The following PVR variants were observed in gnomAD, a reference collection of about 807,000 sequenced individuals.
PVR encodes PVR cell adhesion molecule, also known as poliovirus receptor.
A neutral mutation model predicts 43.3 loss-of-function variants in PVR; 39 were observed. The ratio of observed to expected loss-of-function variants is 0.90; its 90% CI spans 0.70 to 1.18. PVR has a LOEUF of 1.18. Ranked by LOEUF, PVR falls within the 50% of genes most tolerant of loss-of-function variation. PVR has a pLI of 0.00. For synonymous variants in PVR, 224 were observed against 233.2 expected (o/e 0.96, Z 0.36); for missense variants, 480 against 549.7 (o/e 0.87, Z 1.27).
rs1029804350 is a variant in PVR at position 44,662,241 on chromosome 19, G to C, written c.*430G>C. The C allele has an allele frequency of 1.1e-5, 2 of 178,436 alleles. No homozygotes were observed. The highest frequency in any genetic ancestry group is 1.4e-4 in the South Asian group (1 of 7,272). 11.1% of individuals were successfully genotyped at this position (178,436 alleles called of 1,614,324 possible). On this transcript the variant is annotated 3_prime_UTR_variant, in exon 8 of 8. Coordinates refer to ENST00000425690, the MANE Select transcript of PVR (RefSeq NM_006505.5). Reference sequence around the variant, plus strand: ...TACTGCCAACCAGAGCAGCTCACTCGAGATCTTTGTGTCCAGAGTTTTTTG... The same window carrying C: ...TACTGCCAACCAGAGCAGCTCACTCCAGATCTTTGTGTCCAGAGTTTTTTG...
intron 6 of PVR, among the ~76,000 whole-genome samples, chr19:44,660,540 G>A (rs954015256): frequency 6.6e-6 from 1 of 151,914 alleles, no homozygotes; most frequent in Non-Finnish European, 1.5e-5. Context: ...TTTGTTTTGA[G>A]ACAAGATCTT....
intron 1 of PVR, among the ~76,000 whole-genome samples, chr19:44,646,229 C>T (rs1364943502): frequency 6.6e-6 from 1 of 152,130 alleles, no homozygotes; most frequent in Non-Finnish European, 1.5e-5. Context: ...CGGCCTGAAG[C>T]TCCACAGCAG....
At position 44,658,861 on chromosome 19, in the gene PVR, T is replaced by G; in HGVS notation, c.1111T>G (p.Ser371Ala). The change falls in exon 6 of 8, where the codon TCC becomes GCC. Residue 371 changes from serine (S) to alanine (A), a missense_variant. Ser to Ala is a moderately conservative substitution (Grantham distance 99). Coordinates refer to ENST00000425690, the MANE Select transcript of PVR (RefSeq NM_006505.5). ...IGIYFYWSKC[S>A]REVLWHCHLC... ...GATTTATTTCTATTGGTCCAAATGT[T>G]CCCGTGAGGTCCTTTGGCACTGTCA... The G allele has an allele frequency of 6.2e-7, 1 of 1,614,108 alleles. No individual in the cohort carries two copies.
At position 44,649,863 on chromosome 19, in the gene PVR, T is replaced by C. The variant is rs1162947228; in HGVS notation, c.482T>C (p.Val161Ala). 1 of 1,614,114 alleles carries C rather than the reference T, an allele frequency of 6.2e-7. No homozygotes were observed. Reference protein sequence around the residue: ...VQKVQLTGEPVPMARCVSTGG... With the variant: ...VQKVQLTGEPAPMARCVSTGG... ...AAGGTCCAGCTCACTGGAGAGCCAG[T>C]GCCCATGGCCCGCTGCGTCTCCACA... The change falls in exon 3 of 8, where the codon GTG becomes GCG. Residue 161 changes from valine (V) to alanine (A), a missense_variant. Val to Ala is a moderately conservative substitution (Grantham distance 64). Coordinates refer to ENST00000425690, the MANE Select transcript of PVR (RefSeq NM_006505.5).
At chr19:44,644,968 T>G (rs1973037569) in intron 1 of PVR, among the ~76,000 whole-genome samples, 1 of 129,192 alleles carries the variant, frequency 7.7e-6, no homozygotes. Flanking sequence ...TATTATATAT[T>G]ATTATTATAT....
intron 4 of PVR, among the ~76,000 whole-genome samples, chr19:44,657,468 C>T (rs1163824394): frequency 6.6e-6 from 1 of 152,188 alleles, no homozygotes; most frequent in African/African-American, 2.4e-5. Context: ...AGAAACGGAG[C>T]CCAGCGTGGA....
At chr19:44,657,515 C>A (rs1382410687) in intron 4 of PVR, among the ~76,000 whole-genome samples, 1 of 152,136 alleles carries the variant, frequency 6.6e-6, no homozygotes, top group African/African-American at 2.4e-5. Flanking sequence ...AGCGCCAGAG[C>A]AGGGAGGTAC....
At chr19:44,645,413 G>GTATATATA (rs1278079157) in intron 1 of PVR, among the ~76,000 whole-genome samples, 77 of 52,066 alleles carry the variant, frequency 1.5e-3, no homozygotes, top group African/African-American at 6.4e-3. Flanking sequence ...TATATGTTTT[G>GTATATATA]TGTATATATA....
rs954676420 is a variant in PVR at position 44,657,789 on chromosome 19, T to C, written c.870T>C (p.Ala290=). 6.2e-7 allele frequency: 1 copy of C among 1,614,144 alleles called. No homozygotes were observed. Among genetic ancestry groups the C allele is most frequent in the Admixed American group, 1.7e-5 (1 of 60,006 alleles). Residue 290 remains alanine (A), a synonymous_variant, in exon 5 of 8, where the codon GCT becomes GCC. Coordinates refer to ENST00000425690, the MANE Select transcript of PVR (RefSeq NM_006505.5). ...CCATGGGTCCCCTGCCACCCTTTGC[T>C]GTGGCCCAGGGCGCCCAGCTCCTGA... ...STTMGPLPPF[A]VAQGAQLLIR...
At chr19:44,652,914 C>T (rs751265636) in intron 3 of PVR, among the ~76,000 whole-genome samples, 2 of 152,110 alleles carry the variant, frequency 1.3e-5, no homozygotes, top group African/African-American at 2.4e-5. Flanking sequence ...AGATCTTTCC[C>T]ATTTATTTTG....
At chr19:44,645,655 C>T (rs550835657) in intron 1 of PVR, among the ~76,000 whole-genome samples, 140 of 150,934 alleles carry the variant, frequency 9.3e-4, no homozygotes, top group Non-Finnish European at 1.7e-3. Context: ...GACAGGGTTT[C>T]GCTATGCTGC....
chr19:44,656,902 G>C (rs951167222), intron 4 of PVR, among the ~76,000 whole-genome samples: 1 of 152,208 alleles, frequency 6.6e-6, no homozygotes, highest in Non-Finnish European at 1.5e-5. Context: ...GCACCCAGGA[G>C]GTGGAGGTTG....
Position 44,663,822 on chromosome 19 carries a change from A to G in PVR, c.*2011A>G, listed in dbSNP as rs1422128487. Among the ~76,000 whole-genome samples the G allele has an allele frequency of 6.6e-6, 1 of 152,046 alleles. No individual in the cohort carries two copies. The highest frequency in any genetic ancestry group is 1.5e-5 in the Non-Finnish European group (1 of 68,016). ...CAGGCTGGAGTGCAATGGCACGATC[A>G]TAGCTCATTGCAGCCTCTAACTCCG... On this transcript the variant is annotated 3_prime_UTR_variant, in exon 8 of 8. Coordinates refer to ENST00000425690, the MANE Select transcript of PVR (RefSeq NM_006505.5).
chr19:44,652,662 G>A (rs1455561123), intron 3 of PVR, among the ~76,000 whole-genome samples: 6 of 151,874 alleles, frequency 4.0e-5, no homozygotes, highest in East Asian at 3.9e-4. Flanking sequence ...GATTACAGAC[G>A]TGAGCCACCG....
intron 1 of PVR, among the ~76,000 whole-genome samples, chr19:44,646,347 C>G (rs1389270042): frequency 6.6e-6 from 1 of 152,104 alleles, no homozygotes; most frequent in Non-Finnish European, 1.5e-5. Flanking sequence ...TGCAGTGTTT[C>G]ATGGATTTGA....
chr19:44,650,237 C>G lies in PVR; in HGVS notation c.724+132C>G, dbSNP rs929596853. ...CCGGCTCCCCTGACTCCTGTCTACA[C>G]GACCCACCCCCATTGTCTGCACCAG... On this transcript the variant is annotated intron_variant, in intron 3 of 7. Coordinates refer to ENST00000425690, the MANE Select transcript of PVR (RefSeq NM_006505.5). 3.7e-6 allele frequency: 3 copies of G among 814,904 alleles called. No individual in the cohort carries two copies. In the South Asian group the frequency reaches 6.6e-5, roughly 18 times the overall value. 50.5% of individuals were successfully genotyped at this position (814,904 alleles called of 1,614,324 possible). A position where few individuals can be genotyped will look rare whatever the true frequency, so the allele number is the denominator to read the frequency against.
At chr19:44,658,259 ATT>A (rs1973505976) in intron 5 of PVR, among the ~76,000 whole-genome samples, 1 of 152,210 alleles carries the variant, frequency 6.6e-6, no homozygotes, top group South Asian at 2.1e-4. Flanking sequence ...TTTATTGAAA[ATT>A]CACCTTCAGG....
rs773471917 is a variant in PVR, at chr19:44,657,823, G to A, written c.904G>A (p.Val302Met). ...AQGAQLLIRP[V>M]DKPINTTLIC... ...GGGCGCCCAGCTCCTGATCCGTCCT[G>A]TGGACAAACCAATCAACACAACTTT... Residue 302 changes from valine (V) to methionine (M), a missense_variant, in exon 5 of 8, where the codon GTG becomes ATG. Physicochemically the swap from Val to Met is conservative, Grantham distance 21. Transcript: ENST00000425690. The A allele has an allele frequency of 6.8e-6, 11 of 1,613,934 alleles. No individual in the cohort carries two copies. In the East Asian group the frequency reaches 2.2e-4, roughly 33 times the overall value.
At chr19:44,653,732 C>A (rs911548973) in intron 3 of PVR, 168 bp from the exon 4 acceptor site, 1 of 604,186 alleles carries the variant, frequency 1.7e-6, no homozygotes, top group Admixed American at 2.4e-5. Context: ...GACTCCTAGG[C>A]TTCTGCTCTC....
Sources: allele counts gnomAD v4.1 joint callset (sites outside exome capture counted in the v4.1 genomes callset), GRCh38; gene constraint gnomAD v4.1.1; transcripts MANE v1.5; gene names NCBI Gene and HGNC (gene_info 2026-07-23, HGNC 2026-07-21).